Variants in SDHA observed in about 807,000 individuals in gnomAD.
SDHA encodes succinate dehydrogenase [ubiquinone] flavoprotein subunit, mitochondrial.
SDHA carries 48 observed loss-of-function variants against 78.4 expected under a neutral mutation model. The observed-to-expected ratio is 0.61, with a 90% CI of 0.49 to 0.78. The LOEUF is 0.78. SDHA is among the 30% of genes least tolerant of loss of function. SDHA has a pLI of 0.00. For synonymous variants in SDHA, 326 were observed against 353.9 expected (o/e 0.92, Z 0.88); for missense variants, 680 against 892.7 (o/e 0.76, Z 3.04).
At chr5:255,137 G>A in intron 14 of SDHA, among the ~76,000 whole-genome samples, 1 of 71,376 alleles carries the variant, frequency 1.4e-5, no homozygotes, top group East Asian at 2.2e-4. Flanking sequence ...CGAGGGTGTG[G>A]TAGGGGGGTC....
downstream of SDHA, among the ~76,000 whole-genome samples, chr5:259,599 C>T (rs1321714551): frequency 5.3e-4 from 6 of 11,336 alleles, no homozygotes; most frequent in East Asian, 2.3e-3. Context: ...CCGCCTCCCG[C>T]CAGAGCATTA....
intron 8 of SDHA, 143 bp from the exon 9 acceptor site, chr5:235,001 T>A: frequency 1.2e-6 from 1 of 804,206 alleles, no homozygotes; most frequent in South Asian, 1.5e-5. Flanking sequence ...AGAAAAGATT[T>A]GATGAGAGGG....
rs1458669735 is a variant in SDHA at position 226,057 on chromosome 5, C to T, written c.621+10C>T. 1.2e-6 allele frequency: 2 copies of T among 1,613,948 alleles called. No homozygotes were observed. The highest frequency in any genetic ancestry group is 2.7e-5 in the African/African-American group (2 of 75,012). On this transcript the variant is annotated intron_variant, in intron 5 of 14. Transcript: ENST00000264932. ...CACCTTATATGGAAGGGTAAGGCCG[C>T]CCCCGTCCACCTGAGACAGGACACG...
chr5:246,438 G>A (rs1321164911), intron 11 of SDHA, among the ~76,000 whole-genome samples: 3 of 150,534 alleles, frequency 2.0e-5, no homozygotes, highest in African/African-American at 4.9e-5. Flanking sequence ...GAGAAGACTC[G>A]AGCTGCGGCT....
At chr5:239,970 T>C (rs7719140) in intron 10 of SDHA, among the ~76,000 whole-genome samples, 36,509 of 152,010 alleles carry the variant, frequency 0.24, 6,838 homozygotes, top group African/African-American at 0.52. Flanking sequence ...GGTTTTGCCA[T>C]GTTGGCCAGG....
At chr5:256,275 C>A (rs1338387345) in intron 14 of SDHA, 59 bp from the exon 15 acceptor site, 1 of 1,289,856 alleles carries the variant, frequency 7.8e-7, no homozygotes, top group Non-Finnish European at 1.1e-6. Context: ...AAAAGGAACA[C>A]AAGAGATGGC....
At chr5:227,923 C>T (rs1164854858) in intron 5 of SDHA, 9 of 456,762 alleles carry the variant, frequency 2.0e-5, no homozygotes, top group Admixed American at 6.7e-5. Context: ...AGTGCCTCTT[C>T]GGGTTGTGTA....
the SDHA span, among the ~76,000 whole-genome samples, chr5:266,820 G>A: frequency 8.8e-5 from 9 of 101,896 alleles, no homozygotes; most frequent in Non-Finnish European, 1.4e-4. Flanking sequence ...CACGGTGGCC[G>A]CTGTCTGTAA....
At chr5:224,577 G>C in intron 3 of SDHA, 56 bp downstream of exon 3, 2 of 1,582,810 alleles carry the variant, frequency 1.3e-6, no homozygotes, top group South Asian at 1.1e-5. Context: ...GCGCAGCCTC[G>C]CACTTTCTAC....
At chr5:218,565 G>C in intron 1 of SDHA, 147 bp downstream of exon 1, 1 of 619,370 alleles carries the variant, frequency 1.6e-6, no homozygotes, top group South Asian at 4.3e-5. Context: ...GAGAGCCCTG[G>C]GCCGGTGCGA....
chr5:266,819 C>CTTT, the SDHA span, among the ~76,000 whole-genome samples: 3 of 127,428 alleles, frequency 2.4e-5, no homozygotes, highest in Admixed American at 1.6e-4. Flanking sequence ...ACACGGTGGC[C>CTTT]GCTGTCTGTA....
intron 1 of SDHA, among the ~76,000 whole-genome samples, chr5:222,350 CTTT>C (rs750198454): frequency 1.5e-5 from 2 of 135,408 alleles, no homozygotes. Flanking sequence ...TTTTTCTTTT[CTTT>C]TTTTTTTTTT....
chr5:257,733 C>T (rs548342701), downstream of SDHA, among the ~76,000 whole-genome samples: 30 of 121,892 alleles, frequency 2.5e-4, 4 homozygotes, highest in African/African-American at 9.0e-4. Context: ...GTGAGCTCCG[C>T]GCCCTGCCAG....
intron 11 of SDHA, among the ~76,000 whole-genome samples, chr5:240,901 ATTT>A: frequency 6.6e-6 from 1 of 151,800 alleles, no homozygotes; most frequent in Admixed American, 6.6e-5. Context: ...TATGTACCAC[ATTT>A]TCTTCATCTG....
Position 228,274 on chromosome 5 carries a change from G to T in SDHA, c.711G>T (p.Leu237=). ...GGGAGTGCCGTGGTGTCATCGCACT[G>T]TGCATAGAGGACGGGTCCATCCATC... ...ENGECRGVIA[L]CIEDGSIHRI... The change falls in exon 6 of 15, where the codon CTG becomes CTT. Residue 237 remains leucine (L), a synonymous_variant. Coordinates refer to ENST00000264932, the MANE Select transcript of SDHA (RefSeq NM_004168.4). 1 of 1,613,828 alleles carries T rather than the reference G, an allele frequency of 6.2e-7. No individual in the cohort carries two copies. The highest frequency in any genetic ancestry group is 8.5e-7 in the Non-Finnish European group (1 of 1,179,796).
chr5:268,129 G>A, the SDHA span, among the ~76,000 whole-genome samples: 2 of 152,190 alleles, frequency 1.3e-5, no homozygotes, highest in South Asian at 2.1e-4. Context: ...AGTATCTCTT[G>A]TTCTAGACTC....
chr5:221,470 A>T (rs1002187150), intron 1 of SDHA, among the ~76,000 whole-genome samples: 6 of 152,090 alleles, frequency 3.9e-5, no homozygotes, highest in Non-Finnish European at 8.8e-5. Context: ...CTTGCTCGTG[A>T]TTTATAGGTG....
intron 8 of SDHA, chr5:234,456 A>G (rs1047493932): frequency 2.6e-5 from 4 of 151,794 alleles, no homozygotes; most frequent in African/African-American, 7.3e-5. Flanking sequence ...AGAGAAGTCA[A>G]ATGGTTTTTT....
intron 4 of SDHA, 155 bp downstream of exon 4, chr5:225,717 A>T (rs1163595993): frequency 2.0e-5 from 27 of 1,331,020 alleles, no homozygotes; most frequent in Admixed American, 3.6e-5. Flanking sequence ...TGAACTATGC[A>T]TTATATGTAA....
Sources: gnomAD v4.1 joint callset for allele counts (sites outside exome capture counted in the v4.1 genomes callset) on GRCh38, gnomAD v4.1.1 for gene constraint, MANE v1.5 for transcripts, NCBI Gene and HGNC (gene_info 2026-07-23, HGNC 2026-07-21) for gene names.